The following IGSF10 variants were observed in gnomAD, a reference collection of about 807,000 sequenced individuals.
The protein encoded by IGSF10 is immunoglobulin superfamily member 10.
Under a neutral mutation model 128.2 loss-of-function variants are expected in IGSF10, and 126 were observed. The observed-to-expected ratio is 0.98, with a 90% confidence interval of 0.85 to 1.14. The LOEUF is 1.14. IGSF10 is among the 50% of genes most tolerant of loss of function. The pLI is 0.00. For missense variants in IGSF10, 3,295 were observed against 3,149.8 expected, an observed-to-expected ratio of 1.05 and a Z score of -1.10; for synonymous variants, 1,185 against 1,146.2, an observed-to-expected ratio of 1.03 and a Z score of -0.68.
chr3:151,603,243 CT>C, the IGSF10 span, among the ~76,000 whole-genome samples: 1 of 152,198 alleles, frequency 6.6e-6, no homozygotes, highest in Non-Finnish European at 1.5e-5. Flanking sequence ...TCAGTTCTTT[CT>C]GTTCTGTAGG....
At chr3:151,525,820 G>A in the IGSF10 span, among the ~76,000 whole-genome samples, 16 of 152,190 alleles carry the variant, frequency 1.1e-4, no homozygotes, top group South Asian at 2.7e-3. Context: ...TCTCCCTTCC[G>A]ATTAACTCGA....
chr3:151,439,702 A>G (rs1222219222), intron 7 of IGSF10, among the ~76,000 whole-genome samples: 5 of 152,258 alleles, frequency 3.3e-5, no homozygotes, highest in Non-Finnish European at 2.9e-5. Context: ...GCAGCTGTAC[A>G]GTGACTAGTT....
chr3:151,536,238 C>T, the IGSF10 span, among the ~76,000 whole-genome samples: 15 of 151,998 alleles, frequency 9.9e-5, no homozygotes, highest in Non-Finnish European at 1.2e-4. Context: ...TCAAGAGGTC[C>T]CCTGGGACAA....
chr3:151,469,853 G>C, the IGSF10 span, among the ~76,000 whole-genome samples: 2 of 152,148 alleles, frequency 1.3e-5, no homozygotes, highest in East Asian at 3.9e-4. Context: ...AAAGCCAAAA[G>C]GATGAGGTTG....
the IGSF10 span, among the ~76,000 whole-genome samples, chr3:151,609,884 A>G: frequency 2.6e-5 from 4 of 152,174 alleles, no homozygotes; most frequent in Admixed American, 6.5e-5. Flanking sequence ...TCTATTGGGT[A>G]CTATGCTCAT....
At chr3:151,459,224 C>G (rs1480098454) in intron 2 of IGSF10, among the ~76,000 whole-genome samples, 3 of 152,106 alleles carry the variant, frequency 2.0e-5, no homozygotes, top group African/African-American at 7.2e-5. Flanking sequence ...TATTCCTTTC[C>G]AGCCTTTTTC....
At chr3:151,458,121 ATATG>A (rs953979993) in intron 3 of IGSF10, among the ~76,000 whole-genome samples, 15 of 151,354 alleles carry the variant, frequency 9.9e-5, no homozygotes, top group African/African-American at 2.7e-4. Context: ...ATATATATAT[ATATG>A]TATGTATGTG....
the IGSF10 span, among the ~76,000 whole-genome samples, chr3:151,495,851 TC>T: frequency 6.6e-6 from 1 of 152,146 alleles, no homozygotes; most frequent in African/African-American, 2.4e-5. Flanking sequence ...TATTCCTACT[TC>T]CCAATATGTA....
At chr3:151,444,513 T>A (rs1426450379) in intron 6 of IGSF10, among the ~76,000 whole-genome samples, 1 of 152,126 alleles carries the variant, frequency 6.6e-6, no homozygotes, top group African/African-American at 2.4e-5. Context: ...TTTCACCATG[T>A]TGGCCAGGCT....
the IGSF10 span, among the ~76,000 whole-genome samples, chr3:151,581,586 C>T: frequency 9.9e-5 from 15 of 152,144 alleles, no homozygotes; most frequent in Non-Finnish European, 1.8e-4. Flanking sequence ...TGTAATGGGT[C>T]CAAAGTTTGC....
chr3:151,571,387 C>T, the IGSF10 span, among the ~76,000 whole-genome samples: 1 of 152,126 alleles, frequency 6.6e-6, no homozygotes, highest in Admixed American at 6.6e-5. Flanking sequence ...TTTGTGTCCT[C>T]TTTTATTTCG....
chr3:151,486,161 G>T, the IGSF10 span, among the ~76,000 whole-genome samples: 1 of 151,974 alleles, frequency 6.6e-6, no homozygotes, highest in Non-Finnish European at 1.5e-5. Flanking sequence ...AAAAACAGGG[G>T]TTGCAATCCT....
In IGSF10 at chr3:151,445,667, A is replaced by G. The variant is rs985073153; in HGVS notation, c.4314T>C (p.Ser1438=). 1 of 1,614,094 alleles carries G rather than the reference A, an allele frequency of 6.2e-7. No individual in the cohort carries two copies. Among genetic ancestry groups the G allele is most frequent in the African/African-American group, 1.3e-5 (1 of 74,930 alleles). Residue 1438 remains serine (S), a synonymous_variant, in exon 6 of 8, where the codon TCT becomes TCC. Coordinates refer to ENST00000282466, the MANE Select transcript of IGSF10 (RefSeq NM_178822.5). The part of the protein sequence containing the change: ...STQTLKSTIA[S]ETTLSSKSHQ... ...GTGATTTGCTGGACAAAGTTGTTTC[A>G]GAAGCAATTGTGCTCTTCAAAGTCT...
chr3:151,438,065 T>C lies in IGSF10; in HGVS notation c.6496A>G (p.Thr2166Ala). Residue 2166 changes from threonine (T) to alanine (A), a missense_variant, in exon 8 of 8, where the codon ACT becomes GCT. Coordinates refer to ENST00000282466, the MANE Select transcript of IGSF10 (RefSeq NM_178822.5). ...GDTAVLDCEV[T>A]GDPKPKIFWL... is the part of the protein sequence containing the mutation. ...AATATTTTTGGTTTGGGATCCCCAGTGACCTCACAGTCAAGGACAGCTGTG... is the reference window on the plus strand; with the variant it reads ...AATATTTTTGGTTTGGGATCCCCAGCGACCTCACAGTCAAGGACAGCTGTG... The C allele has an allele frequency of 6.2e-7, 1 of 1,614,240 alleles. No homozygotes were observed. Among genetic ancestry groups the C allele is most frequent in the Non-Finnish European group, 8.5e-7 (1 of 1,180,044 alleles).
At chr3:151,562,498 G>A in the IGSF10 span, among the ~76,000 whole-genome samples, 2 of 152,000 alleles carry the variant, frequency 1.3e-5, no homozygotes, top group Non-Finnish European at 2.9e-5. Context: ...CCTCTCTTGG[G>A]TTCTGGATTG....
chr3:151,493,049 A>G, the IGSF10 span, among the ~76,000 whole-genome samples: 1 of 152,196 alleles, frequency 6.6e-6, no homozygotes, highest in Non-Finnish European at 1.5e-5. Context: ...CATTATGCTA[A>G]GTAAAATGAC....
chr3:151,503,887 C>G, the IGSF10 span, among the ~76,000 whole-genome samples: 1 of 151,808 alleles, frequency 6.6e-6, no homozygotes, highest in African/African-American at 2.4e-5. Flanking sequence ...TCTTCTGTTT[C>G]TGGATGGGAT....
chr3:151,444,756 G>C (rs142836141), intron 6 of IGSF10, among the ~76,000 whole-genome samples, 163 bp downstream of exon 6: 21 of 152,292 alleles, frequency 1.4e-4, no homozygotes, highest in Non-Finnish European at 2.9e-4. Context: ...AATCCCTTCT[G>C]ATGAGTGAAA....
chr3:151,487,426 T>C, the IGSF10 span, among the ~76,000 whole-genome samples: 1 of 152,182 alleles, frequency 6.6e-6, no homozygotes, highest in African/African-American at 2.4e-5. Flanking sequence ...GTACCATTCC[T>C]TCTGCAACTA....
Sources: allele counts gnomAD v4.1 joint callset (sites outside exome capture counted in the v4.1 genomes callset), GRCh38; gene constraint gnomAD v4.1.1; transcripts MANE v1.5; gene names NCBI Gene and HGNC (gene_info 2026-07-23, HGNC 2026-07-21).